Variants in MSH3 observed in about 807,000 individuals in gnomAD.
MSH3 encodes the protein mutS homolog 3.
In MSH3, 106 loss-of-function variants were observed where a neutral mutation model predicts 123.3. That is an observed-to-expected ratio of 0.86 (90% confidence interval 0.73 to 1.01). MSH3 has a LOEUF of 1.01. Among genes scored for constraint, MSH3 ranks in the 50% least tolerant of loss-of-function variants. The pLI is 0.00. For missense variants in MSH3, 1,459 were observed against 1,347.6 expected, an observed-to-expected ratio of 1.08 and a Z score of -1.29; for synonymous variants, 515 against 481.4, an observed-to-expected ratio of 1.07 and a Z score of -0.91.
chr5:80,656,382 C>T lies in MSH3; in HGVS notation c.238-29C>T, dbSNP rs759075741. ...TCAGGCCTTCTCAGAGTAGAGATAACACATCATTTTCTAACCTTCCCGATA... is the reference window on the plus strand; with the variant it reads ...TCAGGCCTTCTCAGAGTAGAGATAATACATCATTTTCTAACCTTCCCGATA... On this transcript the variant is annotated intron_variant, in intron 1 of 23. Coordinates refer to ENST00000265081, the MANE Select transcript of MSH3 (RefSeq NM_002439.5). 7 of 1,613,414 alleles carry T rather than the reference C, an allele frequency of 4.3e-6. No homozygotes were observed. In the African/African-American group the frequency reaches 6.7e-5, roughly 15 times the overall value.
intron 21 of MSH3, among the ~76,000 whole-genome samples, chr5:80,855,287 C>T (rs1580092306): frequency 6.6e-6 from 1 of 151,828 alleles, no homozygotes; most frequent in South Asian, 2.1e-4. Flanking sequence ...ATTGTGTCTT[C>T]CCTCATTTTC....
chr5:80,790,772 C>T (rs1257796236), intron 18 of MSH3, among the ~76,000 whole-genome samples: 3 of 152,030 alleles, frequency 2.0e-5, no homozygotes, highest in African/African-American at 4.8e-5. Context: ...GTTGTTCACC[C>T]GTAAAGGCAA....
chr5:80,735,440 G>C (rs1026576977), intron 10 of MSH3, among the ~76,000 whole-genome samples: 1 of 148,270 alleles, frequency 6.7e-6, no homozygotes, highest in South Asian at 2.1e-4. Flanking sequence ...TAATCCCAGC[G>C]CTTTGGGAGG....
intron 11 of MSH3, among the ~76,000 whole-genome samples, chr5:80,742,327 A>G (rs1444390720): frequency 2.0e-5 from 3 of 152,090 alleles, no homozygotes; most frequent in Non-Finnish European, 2.9e-5. Context: ...ACAAACTTTC[A>G]TTGTTTATTT....
chr5:80,805,257 C>T (rs1744866620), intron 19 of MSH3, among the ~76,000 whole-genome samples: 1 of 152,142 alleles, frequency 6.6e-6, no homozygotes. Flanking sequence ...CCAAAATAGC[C>T]AAGAGCGTTA....
intron 16 of MSH3, 67 bp from the exon 17 acceptor site, chr5:80,778,653 A>G (rs1744348553): frequency 1.1e-6 from 1 of 874,502 alleles, no homozygotes. Flanking sequence ...CTAATTTTCT[A>G]AAGTGATGGC....
chr5:80,735,324 C>T (rs1743484660), intron 10 of MSH3, among the ~76,000 whole-genome samples: 1 of 148,270 alleles, frequency 6.7e-6, no homozygotes. Context: ...GCGGAGGTTC[C>T]AGTGAGCCAA....
At position 80,831,078 on chromosome 5, in the gene MSH3, C is replaced by A. The variant is rs529770494; in HGVS notation, c.2813+17337C>A. Among the ~76,000 whole-genome samples, 3 of 152,116 alleles carry A rather than the reference C, an allele frequency of 2.0e-5. No homozygotes were observed. The South Asian group carries it at 6.2e-4, about 32-fold the overall frequency. ...ATCATAAGTCAGAAACATCATAAAT[C>A]AAAAATGCACTTAATACTCCAGTAA... is the stretch of plus-strand genomic sequence containing the variant. On this transcript the variant is annotated intron_variant, in intron 20 of 23. Transcript: ENST00000265081.
intron 16 of MSH3, 42 bp downstream of exon 16, chr5:80,775,800 G>A: frequency 9.4e-7 from 1 of 1,062,090 alleles, no homozygotes; most frequent in Non-Finnish European, 1.5e-6. Context: ...GCATTATGAT[G>A]ACATCTGTAT....
Position 80,656,476 on chromosome 5 carries a change from AAAG to A in MSH3, c.306_308del (p.Lys103del). ...ATGATGGGCCTGTTAAAAAGAAAGT[AAAG>A]AAAGTCCAACAAAAGGAAGGAGGAA... On this transcript the variant is annotated inframe_deletion, in exon 2 of 24. Coordinates refer to ENST00000265081, the MANE Select transcript of MSH3 (RefSeq NM_002439.5). The A allele has an allele frequency of 6.2e-7, 1 of 1,614,224 alleles. No individual in the cohort carries two copies.
intron 8 of MSH3, among the ~76,000 whole-genome samples, chr5:80,690,264 G>A (rs1279538599): frequency 1.3e-5 from 2 of 152,136 alleles, no homozygotes; most frequent in Non-Finnish European, 2.9e-5. Flanking sequence ...GACTTAAGTG[G>A]TTTGCCCTCC....
chr5:80,875,129 T>C (rs1746282274), intron 23 of MSH3, among the ~76,000 whole-genome samples: 1 of 152,138 alleles, frequency 6.6e-6, no homozygotes, highest in South Asian at 2.1e-4. Context: ...TCTCATCACT[T>C]TACATACATT....
At chr5:80,713,239 C>G (rs1750892385) in intron 8 of MSH3, among the ~76,000 whole-genome samples, 1 of 152,140 alleles carries the variant, frequency 6.6e-6, no homozygotes, top group Non-Finnish European at 1.5e-5. Context: ...TATTTCCAAG[C>G]AGACATTAAA....
rs751866806 is a variant in MSH3, at chr5:80,675,063, T to G, written c.1108T>G (p.Cys370Gly). 28 of 1,613,598 alleles carry G rather than the reference T, an allele frequency of 1.7e-5. No individual in the cohort carries two copies. Among genetic ancestry groups the G allele is most frequent in the Non-Finnish European group, 2.1e-5 (25 of 1,179,672 alleles). Reference sequence around the variant, plus strand: ...TGATACTTCTACCAGCTATCTTCTGTGCATCTCTGAAAATAAGGAAAATGT... The same window carrying G: ...TGATACTTCTACCAGCTATCTTCTGGGCATCTCTGAAAATAAGGAAAATGT... ...MTDTSTSYLL[C>G]ISENKENVRD... Residue 370 changes from cysteine (C) to glycine (G), a missense_variant, in exon 7 of 24, where the codon TGC becomes GGC. Physicochemically the swap from Cys to Gly is radical, Grantham distance 159. Transcript: ENST00000265081.
At chr5:80,674,674 A>G (rs995688166) in intron 6 of MSH3, among the ~76,000 whole-genome samples, 10 of 152,260 alleles carry the variant, frequency 6.6e-5, no homozygotes, top group African/African-American at 2.4e-4. Context: ...AATACTGGGC[A>G]GAAGATTTTT....
At chr5:80,667,204 G>A (rs1650664) in intron 3 of MSH3, among the ~76,000 whole-genome samples, 42,220 of 152,040 alleles carry the variant, frequency 0.28, 6,101 homozygotes, top group Middle Eastern at 0.35. Flanking sequence ...AAAGAATAAA[G>A]TATAAAGTAA....
chr5:80,658,672 A>T (rs1037483220), intron 2 of MSH3, among the ~76,000 whole-genome samples: 37 of 152,156 alleles, frequency 2.4e-4, no homozygotes, highest in African/African-American at 8.7e-4. Context: ...TTGCTCATGT[A>T]GCCTCAAACT....
intron 7 of MSH3, among the ~76,000 whole-genome samples, chr5:80,676,322 C>T (rs913150682): frequency 2.0e-5 from 3 of 152,184 alleles, no homozygotes; most frequent in African/African-American, 7.2e-5. Context: ...TGAGCCACCA[C>T]GCCTGGCCAA....
In MSH3 at chr5:80,670,283, T is replaced by C. The variant is rs1298061414; in HGVS notation, c.766T>C (p.Tyr256His). The change falls in exon 4 of 24, where the codon TAT (tyrosine) becomes CAT (histidine). Residue 256 changes from tyrosine (Y) to histidine (H), a missense_variant. Transcript: ENST00000265081. ...TTTGTGTGTGGAATGTGGATATAAG[T>C]ATAGATTCTTTGGGGAAGATGCAGA... ...AVLCVECGYK[Y>H]RFFGEDAEIA... The C allele has an allele frequency of 2.5e-6, 4 of 1,614,120 alleles. No individual in the cohort carries two copies. The highest frequency in any genetic ancestry group is 3.4e-6 in the Non-Finnish European group (4 of 1,180,016).
Sources: gnomAD v4.1 joint callset for allele counts (sites outside exome capture counted in the v4.1 genomes callset) on GRCh38, gnomAD v4.1.1 for gene constraint, MANE v1.5 for transcripts, NCBI Gene and HGNC (gene_info 2026-07-23, HGNC 2026-07-21) for gene names.